The following AGO3 variants were observed in gnomAD, a reference collection of about 807,000 sequenced individuals.
AGO3 encodes argonaute RISC catalytic component 3.
In AGO3, 16 loss-of-function variants were observed where a neutral mutation model predicts 105.5. The observed-to-expected ratio is 0.15, with a 90% CI of 0.10 to 0.23. AGO3 has a LOEUF of 0.23. Among genes scored for constraint, AGO3 ranks in the 10% least tolerant of loss-of-function variants. AGO3 has a pLI of 1.00. For missense variants in AGO3, 534 were observed against 1,088.0 expected (o/e 0.49, Z 7.16); for synonymous variants, 340 against 367.3 (o/e 0.93, Z 0.85).
chr1:35,978,048 C>T (rs1004107800), intron 5 of AGO3, among the ~76,000 whole-genome samples: 3 of 151,994 alleles, frequency 2.0e-5, no homozygotes, highest in Non-Finnish European at 4.4e-5. Flanking sequence ...CATAGTCTTC[C>T]CAATTAATGA....
At position 36,066,854 on chromosome 1, in the gene AGO3, G is replaced by C. The variant is rs982605967; in HGVS notation, c.*11109G>C. ...ATAAGGCTTCCTTGCTGGGATCCTTGGACAGAAACCTTACAATTGTTTAAT... is the reference window on the plus strand; with the variant it reads ...ATAAGGCTTCCTTGCTGGGATCCTTCGACAGAAACCTTACAATTGTTTAAT... On this transcript the variant is annotated 3_prime_UTR_variant, in exon 19 of 19. Coordinates refer to ENST00000373191, the MANE Select transcript of AGO3 (RefSeq NM_024852.4). The C allele has an allele frequency of 5.9e-5, 9 of 152,146 alleles. No homozygotes were observed. Among genetic ancestry groups the C allele is most frequent in the Non-Finnish European group, 1.2e-4 (8 of 68,022 alleles). The allele number at this position is 152,146 out of a possible 1,614,324, so 9.4% of individuals were successfully genotyped here.
At chr1:35,932,364 G>T (rs1156662842) in intron 1 of AGO3, among the ~76,000 whole-genome samples, 1 of 152,088 alleles carries the variant, frequency 6.6e-6, no homozygotes, top group Non-Finnish European at 1.5e-5. Flanking sequence ...TATTTGCGGG[G>T]CTGTCTTGTT....
intron 5 of AGO3, among the ~76,000 whole-genome samples, chr1:36,000,513 A>T (rs1640035621): frequency 1.3e-5 from 2 of 152,172 alleles, no homozygotes; most frequent in Admixed American, 1.3e-4. Context: ...ACTTTGTGGT[A>T]TCTGAAATAT....
At chr1:35,952,127 TCTTTCTTTCTTTCTTTC>T (rs1646481745) in intron 2 of AGO3, among the ~76,000 whole-genome samples, 1 of 110,300 alleles carries the variant, frequency 9.1e-6, no homozygotes, top group Admixed American at 1.0e-4. Context: ...TTTCTTTCTT[TCTTTCTTTCTTTCTTTC>T]TTTCTTTTTT....
At chr1:35,971,248 C>G (rs1646865259) in intron 3 of AGO3, among the ~76,000 whole-genome samples, 1 of 150,482 alleles carries the variant, frequency 6.6e-6, no homozygotes, top group Admixed American at 6.7e-5. Flanking sequence ...CACCCTCTGC[C>G]TCCTGAGTTC....
intron 1 of AGO3, among the ~76,000 whole-genome samples, chr1:35,931,871 C>G (rs544807711): frequency 1.3e-5 from 2 of 152,312 alleles, no homozygotes; most frequent in Non-Finnish European, 2.9e-5. Context: ...CGGATAACTT[C>G]AGATTAAGTT....
chr1:36,052,107 C>T (rs1009565278), intron 17 of AGO3, among the ~76,000 whole-genome samples: 2 of 152,262 alleles, frequency 1.3e-5, no homozygotes, highest in East Asian at 3.9e-4. Context: ...AAGAAGATAT[C>T]TGCATCCCCA....
At chr1:35,954,406 G>A (rs1039245865) in intron 2 of AGO3, among the ~76,000 whole-genome samples, 2 of 152,144 alleles carry the variant, frequency 1.3e-5, no homozygotes, top group Admixed American at 6.5e-5. Flanking sequence ...ATCTATTTGT[G>A]TAGATATAAA....
chr1:36,047,511 G>A (rs1420876773), intron 17 of AGO3, among the ~76,000 whole-genome samples: 1 of 151,976 alleles, frequency 6.6e-6, no homozygotes, highest in East Asian at 1.9e-4. Context: ...TGAAACACCA[G>A]TAAGCAAATA....
At chr1:35,967,527 A>G (rs563816109) in intron 3 of AGO3, among the ~76,000 whole-genome samples, 1 of 151,838 alleles carries the variant, frequency 6.6e-6, no homozygotes, top group South Asian at 2.1e-4. Context: ...TGATTCTTGT[A>G]CCTCAGCGTC....
At chr1:35,980,626 T>G (rs541143717) in intron 5 of AGO3, among the ~76,000 whole-genome samples, 9 of 152,218 alleles carry the variant, frequency 5.9e-5, no homozygotes, top group Non-Finnish European at 1.3e-4. Flanking sequence ...AATTGTTGGC[T>G]CACACTTTTT....
chr1:36,029,908 G>A (rs2148837589), intron 12 of AGO3, among the ~76,000 whole-genome samples: 1 of 149,302 alleles, frequency 6.7e-6, no homozygotes. Context: ...GGCCAGGGTG[G>A]TCTCAAACTC....
At chr1:36,040,517 C>T in intron 16 of AGO3, 76 bp downstream of exon 16, 9 of 1,497,262 alleles carry the variant, frequency 6.0e-6, no homozygotes, top group Non-Finnish European at 8.2e-6. Context: ...CAACAAGGGC[C>T]CTCTGCCAAC....
At chr1:36,046,508 A>G (rs998243231) in intron 17 of AGO3, among the ~76,000 whole-genome samples, 5 of 151,812 alleles carry the variant, frequency 3.3e-5, no homozygotes, top group Non-Finnish European at 5.9e-5. Context: ...CCTGGCCAAC[A>G]TGGTGGAACC....
Position 36,013,762 on chromosome 1 carries a change from C to G in AGO3, c.1272+10C>G, listed in dbSNP as rs777671643. The G allele has an allele frequency of 1.2e-6, 2 of 1,612,394 alleles. No individual in the cohort carries two copies. Among genetic ancestry groups the G allele is most frequent in the African/African-American group, 2.7e-5 (2 of 74,834 alleles). On this transcript the variant is annotated intron_variant, in intron 10 of 18. Coordinates refer to ENST00000373191, the MANE Select transcript of AGO3 (RefSeq NM_024852.4). ...CCAGTATGGAGGACGGGTAAAGTCT[C>G]TTGTTAATGTTTTAATCATACACAT...
chr1:36,031,279 T>G (rs1641761348), intron 12 of AGO3, among the ~76,000 whole-genome samples: 1 of 152,026 alleles, frequency 6.6e-6, no homozygotes, highest in Non-Finnish European at 1.5e-5. Context: ...TGGGCTCAAG[T>G]ACTCTACCCA....
intron 16 of AGO3, among the ~76,000 whole-genome samples, chr1:36,042,205 C>T (rs1642277620): frequency 6.6e-6 from 1 of 152,120 alleles, no homozygotes; most frequent in East Asian, 1.9e-4. Context: ...AGGCCTCAGC[C>T]TCCTGAGTAG....
chr1:36,048,122 G>A lies in AGO3; in HGVS notation c.2274+4574G>A, dbSNP rs191551788. 6.2e-4 allele frequency among the ~76,000 whole-genome samples: 95 copies of A among 152,100 alleles called. 1 individual carries two copies. The highest frequency in any genetic ancestry group is 1.6e-4 in the Non-Finnish European group (11 of 68,004). ...TTCTCCACAGAAACCTTATAGGCCT[G>A]GAGAGATTGAGATGATATATTCAAA... is the stretch of plus-strand genomic sequence containing the variant. On this transcript the variant is annotated intron_variant, in intron 17 of 18. Coordinates refer to ENST00000373191, the MANE Select transcript of AGO3 (RefSeq NM_024852.4).
rs374906246 is a variant in AGO3, at chr1:36,009,089, C to CTTTTTTTTTTTTTTT, written c.1029+49_1029+50insTTTTTTTTTTTTTTT. 3 of 1,474,646 alleles carry CTTTTTTTTTTTTTTT rather than the reference C, an allele frequency of 2.0e-6. No homozygotes were observed. In the East Asian group the frequency reaches 1.2e-4, roughly 60 times the overall value. 91.3% of individuals were successfully genotyped at this position (1,474,646 alleles called of 1,614,324 possible). On this transcript the variant is annotated intron_variant, in intron 8 of 18. Transcript: ENST00000373191. ...AATTAATACCCTGTTGTTCATGATT[C>CTTTTTTTTTTTTTTT]TTTTGGGGTCTTTTATGGCCGATAA...
Sources: gnomAD v4.1 joint callset for allele counts (sites outside exome capture counted in the v4.1 genomes callset) on GRCh38, gnomAD v4.1.1 for gene constraint, MANE v1.5 for transcripts, NCBI Gene and HGNC (gene_info 2026-07-23, HGNC 2026-07-21) for gene names.